Variants in SPOCK3 observed in about 807,000 individuals in gnomAD.
SPOCK3 encodes SPARC (osteonectin), cwcv and kazal like domains proteoglycan 3.
A neutral mutation model predicts 56.6 loss-of-function variants in SPOCK3; 30 were observed. The ratio of observed to expected loss-of-function variants is 0.53; its 90% CI spans 0.40 to 0.72. The LOEUF (loss-of-function observed/expected upper bound fraction) is 0.72. Among genes scored for constraint, SPOCK3 ranks in the 30% least tolerant of loss-of-function variants. SPOCK3 has a pLI of 0.00. For missense variants in SPOCK3, 527 were observed against 530.0 expected (o/e 0.99, Z 0.06); for synonymous variants, 196 against 183.3 (o/e 1.07, Z -0.56).
chr4:166,958,619 G>T (rs182567688), intron 4 of SPOCK3, among the ~76,000 whole-genome samples: 15 of 152,274 alleles, frequency 9.9e-5, no homozygotes, highest in Non-Finnish European at 1.8e-4. Flanking sequence ...TATACAGAAG[G>T]TGATAAAGTT....
chr4:167,052,964 T>C (rs181476261), intron 3 of SPOCK3, among the ~76,000 whole-genome samples: 1 of 152,304 alleles, frequency 6.6e-6, no homozygotes, highest in Non-Finnish European at 1.5e-5. Context: ...ACACCCATAA[T>C]ACTATGAACA....
chr4:167,062,078 T>C (rs1269315988), intron 3 of SPOCK3, among the ~76,000 whole-genome samples: 1 of 151,868 alleles, frequency 6.6e-6, no homozygotes, highest in Non-Finnish European at 1.5e-5. Flanking sequence ...GTCTAATTAC[T>C]AATTTACTAG....
At chr4:166,843,884 ACT>A (rs1747777431) in intron 6 of SPOCK3, among the ~76,000 whole-genome samples, 1 of 152,060 alleles carries the variant, frequency 6.6e-6, no homozygotes, top group Non-Finnish European at 1.5e-5. Flanking sequence ...GGGGCTTGAA[ACT>A]CTGAGATCAT....
At chr4:167,101,560 T>G (rs895739462) in intron 2 of SPOCK3, among the ~76,000 whole-genome samples, 2 of 150,404 alleles carry the variant, frequency 1.3e-5, no homozygotes, top group African/African-American at 2.4e-5. Flanking sequence ...GATCTATGCT[T>G]GTTAATTACC....
intron 8 of SPOCK3, among the ~76,000 whole-genome samples, chr4:166,748,799 C>G (rs1262134770): frequency 2.2e-5 from 3 of 136,720 alleles, no homozygotes; most frequent in Admixed American, 7.0e-5. Context: ...AGAAAAAAAT[C>G]AAACAACCCC....
intron 4 of SPOCK3, among the ~76,000 whole-genome samples, chr4:166,973,244 T>C (rs1307066543): frequency 6.6e-6 from 1 of 152,150 alleles, no homozygotes; most frequent in African/African-American, 2.4e-5. Flanking sequence ...CCTTCCACCA[T>C]GATTGTAAGT....
chr4:166,895,791 A>G (rs901205102), intron 5 of SPOCK3, among the ~76,000 whole-genome samples: 3 of 152,202 alleles, frequency 2.0e-5, no homozygotes, highest in South Asian at 2.1e-4. Context: ...GCAACAGTAT[A>G]TTTTGGGATT....
intron 4 of SPOCK3, among the ~76,000 whole-genome samples, chr4:166,920,366 G>A (rs1430417055): frequency 6.6e-6 from 1 of 152,070 alleles, no homozygotes; most frequent in Non-Finnish European, 1.5e-5. Flanking sequence ...TGTGAAATAA[G>A]TAATAAAATA....
At chr4:167,051,221 G>C (rs1336964884) in intron 3 of SPOCK3, among the ~76,000 whole-genome samples, 1 of 151,996 alleles carries the variant, frequency 6.6e-6, no homozygotes. Context: ...AAACATTCAG[G>C]GATCAAGCCT....
chr4:166,893,085 G>T (rs1291594743), intron 5 of SPOCK3, among the ~76,000 whole-genome samples: 2 of 152,014 alleles, frequency 1.3e-5, no homozygotes, highest in Non-Finnish European at 2.9e-5. Flanking sequence ...AAGGGAGAGT[G>T]ATTGTTTGGG....
chr4:167,005,095 C>T (rs184767037), intron 3 of SPOCK3, among the ~76,000 whole-genome samples: 6 of 152,260 alleles, frequency 3.9e-5, no homozygotes, highest in Admixed American at 1.3e-4. Flanking sequence ...TTATGGCCAA[C>T]TCTCTTATCT....
chr4:166,891,143 G>C (rs139057875), intron 5 of SPOCK3, among the ~76,000 whole-genome samples: 1,779 of 151,960 alleles, frequency 0.012, 15 homozygotes, highest in Middle Eastern at 0.031. Context: ...TTGAGCCTAT[G>C]TGTGCTCCAT....
At chr4:166,765,423 G>A (rs1243981058) in intron 7 of SPOCK3, among the ~76,000 whole-genome samples, 1 of 152,136 alleles carries the variant, frequency 6.6e-6, no homozygotes, top group Admixed American at 6.6e-5. Flanking sequence ...AGTTTTCCCA[G>A]CACCATTTAT....
At position 167,189,413 on chromosome 4, in the gene SPOCK3, C is replaced by G. The variant is rs1451245971; in HGVS notation, c.189+44572G>C. On this transcript the variant is annotated intron_variant, in intron 2 of 10. Coordinates refer to ENST00000357545, the MANE Select transcript of SPOCK3 (RefSeq NM_001040159.2). ...ATAATGCCATTCATAAGTATTTAACCAAGAAACAAGCTGATTTTATAAACT... is the reference window on the plus strand; with the variant it reads ...ATAATGCCATTCATAAGTATTTAACGAAGAAACAAGCTGATTTTATAAACT... Among the ~76,000 whole-genome samples, 2 of 145,194 alleles carry G rather than the reference C, an allele frequency of 1.4e-5. 1 individual carries two copies. The highest frequency in any genetic ancestry group is 5.3e-5 in the African/African-American group (2 of 38,058).
intron 2 of SPOCK3, among the ~76,000 whole-genome samples, chr4:167,218,401 C>T (rs1232736217): frequency 6.6e-6 from 1 of 152,100 alleles, no homozygotes; most frequent in Non-Finnish European, 1.5e-5. Context: ...CTAGAACCTA[C>T]ACATTAGAGC....
At chr4:166,832,554 C>T (rs757278562) in intron 6 of SPOCK3, among the ~76,000 whole-genome samples, 1 of 152,024 alleles carries the variant, frequency 6.6e-6, no homozygotes, top group Non-Finnish European at 1.5e-5. Flanking sequence ...CCAGTAACCC[C>T]ATTAGTGGTA....
chr4:167,219,373 A>G (rs992471174), intron 2 of SPOCK3, among the ~76,000 whole-genome samples: 2 of 152,202 alleles, frequency 1.3e-5, no homozygotes, highest in Admixed American at 1.3e-4. Flanking sequence ...ATTGTACCCT[A>G]TGTAAATATT....
At chr4:167,083,231 A>G (rs551739099) in intron 2 of SPOCK3, 1 of 765,410 alleles carries the variant, frequency 1.3e-6, no homozygotes, top group African/African-American at 1.7e-5. Flanking sequence ...CCCAACCCAA[A>G]GCAAACCTCT....
intron 2 of SPOCK3, among the ~76,000 whole-genome samples, chr4:167,233,766 T>C (rs940679779): frequency 2.6e-5 from 4 of 151,968 alleles, no homozygotes; most frequent in Non-Finnish European, 4.4e-5. Context: ...GTGAACCTGG[T>C]GAGACCTGAA....
Sources: allele counts gnomAD v4.1 joint callset (sites outside exome capture counted in the v4.1 genomes callset), GRCh38; gene constraint gnomAD v4.1.1; transcripts MANE v1.5; gene names NCBI Gene and HGNC (gene_info 2026-07-23, HGNC 2026-07-21).